COX10: variants seen among roughly 807,000 people sequenced by gnomAD.
COX10 encodes the protein protoheme IX farnesyltransferase, mitochondrial.
COX10 carries 27 observed loss-of-function variants against 37.3 expected under a neutral mutation model. The observed-to-expected ratio is 0.72, with a 90% confidence interval of 0.53 to 1.00. The LOEUF (loss-of-function observed/expected upper bound fraction) is 1.00, where lower values mean the gene tolerates loss of function less well. Among genes scored for constraint, COX10 ranks in the 50% least tolerant of loss-of-function variants. The pLI is 0.00. For missense variants in COX10, 475 were observed against 563.2 expected, an observed-to-expected ratio of 0.84 and a Z score of 1.59; for synonymous variants, 222 against 229.1, an observed-to-expected ratio of 0.97 and a Z score of 0.28.
At chr17:14,181,207 GGGT>G (rs1196716386) in intron 5 of COX10, among the ~76,000 whole-genome samples, 98 of 152,266 alleles carry the variant, frequency 6.4e-4, no homozygotes, top group African/African-American at 2.2e-3. Flanking sequence ...GGGGGCAAGG[GGGT>G]CAATTCTAGG....
At chr17:14,167,134 T>A (rs1326261478) in intron 5 of COX10, among the ~76,000 whole-genome samples, 2 of 152,118 alleles carry the variant, frequency 1.3e-5, no homozygotes, top group African/African-American at 4.8e-5. Flanking sequence ...ATGTATGACC[T>A]TGAGGAGTTT....
intron 6 of COX10, among the ~76,000 whole-genome samples, chr17:14,192,891 A>C (rs1321817862): frequency 6.6e-6 from 1 of 152,074 alleles, no homozygotes; most frequent in South Asian, 2.1e-4. Flanking sequence ...GTTTCCTGCA[A>C]TATATGTAAG....
intron 4 of COX10, among the ~76,000 whole-genome samples, chr17:14,147,478 G>A (rs1209483793): frequency 6.6e-6 from 1 of 152,128 alleles, no homozygotes; most frequent in Non-Finnish European, 1.5e-5. Context: ...ATAGAGAGTA[G>A]AAGGACGGTT....
At chr17:14,199,449 A>C (rs1354945122) in intron 6 of COX10, among the ~76,000 whole-genome samples, 1 of 152,226 alleles carries the variant, frequency 6.6e-6, no homozygotes, top group African/African-American at 2.4e-5. Context: ...AATGGCAAGA[A>C]GAGAAAAAGG....
At chr17:14,089,283 G>A (rs1298532801) in intron 3 of COX10, among the ~76,000 whole-genome samples, 1 of 152,166 alleles carries the variant, frequency 6.6e-6, no homozygotes, top group African/African-American at 2.4e-5. Flanking sequence ...CACCACATAT[G>A]TGTGCTTTAA....
chr17:14,123,590 G>C (rs1206941581), intron 4 of COX10, among the ~76,000 whole-genome samples: 1 of 152,166 alleles, frequency 6.6e-6, no homozygotes, highest in African/African-American at 2.4e-5. Flanking sequence ...AATTAGGAAG[G>C]CAGTTTGTAA....
chr17:14,077,101 T>G, intron 3 of COX10, 45 bp downstream of exon 3: 1 of 1,583,756 alleles, frequency 6.3e-7, no homozygotes, highest in Admixed American at 1.7e-5. Context: ...AACTCTATCT[T>G]TAGTGAAACA....
At chr17:14,206,658 C>A in intron 6 of COX10, 152 bp from the exon 7 acceptor site, 2 of 975,446 alleles carry the variant, frequency 2.1e-6, no homozygotes, top group Non-Finnish European at 3.2e-6. Flanking sequence ...TGTCTCCCAG[C>A]CACCCTGTGA....
chr17:14,130,217 T>C (rs1282009340), intron 4 of COX10, among the ~76,000 whole-genome samples: 1 of 152,184 alleles, frequency 6.6e-6, no homozygotes, highest in African/African-American at 2.4e-5. Context: ...TAGGAAAATA[T>C]TCCTCCCATT....
chr17:14,137,858 T>A (rs1256610836), intron 4 of COX10, among the ~76,000 whole-genome samples: 1 of 152,100 alleles, frequency 6.6e-6, no homozygotes, highest in Admixed American at 6.6e-5. Flanking sequence ...GGTTTTTCTT[T>A]CCATGCAGAT....
At chr17:14,077,110 C>T in intron 3 of COX10, 54 bp downstream of exon 3, 1 of 1,554,642 alleles carries the variant, frequency 6.4e-7, no homozygotes, top group Non-Finnish European at 8.8e-7. Context: ...TTTAGTGAAA[C>T]AAAAAGCTAA....
chr17:14,197,950 G>A (rs949760953), intron 6 of COX10, among the ~76,000 whole-genome samples: 3 of 152,152 alleles, frequency 2.0e-5, no homozygotes, highest in African/African-American at 7.2e-5. Context: ...TCAGAGTTAG[G>A]CCTTTTCCTC....
chr17:14,093,351 G>A (rs1915570180), intron 3 of COX10, among the ~76,000 whole-genome samples: 2 of 152,062 alleles, frequency 1.3e-5, no homozygotes, highest in African/African-American at 4.8e-5. Context: ...AATCTTTACA[G>A]TTATTTTTAG....
chr17:14,086,478 A>G (rs542327115), intron 3 of COX10, among the ~76,000 whole-genome samples: 124 of 152,202 alleles, frequency 8.1e-4, no homozygotes, highest in African/African-American at 2.8e-3. Context: ...TGGGATTTCA[A>G]TGTTTATTCG....
intron 6 of COX10, among the ~76,000 whole-genome samples, chr17:14,200,955 T>TA (rs1028351571): frequency 3.0e-4 from 45 of 152,230 alleles, no homozygotes; most frequent in African/African-American, 9.9e-4. Flanking sequence ...TGCCCTGCAC[T>TA]AAGTAACATT....
rs1006706409 is a variant in COX10 at position 14,208,234 on chromosome 17, G to C, written c.*1021G>C. The C allele has an allele frequency of 6.6e-6, 1 of 152,220 alleles. No individual in the cohort carries two copies. The allele number at this position is 152,220 out of a possible 1,614,324, so 9.4% of individuals were successfully genotyped here. A position where few individuals can be genotyped will look rare whatever the true frequency, so the allele number is the denominator to read the frequency against. Reference sequence around the variant, plus strand: ...CAATGGCTTTAAGAGCCAGAAGCAGGGTTCTGGGAATTTTGCAAGTTATCC... The same window carrying C: ...CAATGGCTTTAAGAGCCAGAAGCAGCGTTCTGGGAATTTTGCAAGTTATCC... On this transcript the variant is annotated 3_prime_UTR_variant, in exon 7 of 7. Coordinates refer to ENST00000261643, the MANE Select transcript of COX10 (RefSeq NM_001303.4).
intron 3 of COX10, 66 bp from the exon 4 acceptor site, chr17:14,102,052 C>G (rs760670874): frequency 1.2e-6 from 2 of 1,601,680 alleles, no homozygotes; most frequent in Non-Finnish European, 1.7e-6. Context: ...TGTTTTTTGT[C>G]GTTCTGGCCT....
At position 14,186,446 on chromosome 17, in the gene COX10, G is replaced by T. The variant is rs1197972969; in HGVS notation, c.696-5543G>T. ...TCCGCCCATCTCCCACCCATCCATC[G>T]GGTCTCAGTTTACACATCACTTCTT... On this transcript the variant is annotated intron_variant, in intron 5 of 6. Coordinates refer to ENST00000261643, the MANE Select transcript of COX10 (RefSeq NM_001303.4). Among the ~76,000 whole-genome samples, 5 of 151,822 alleles carry T rather than the reference G, an allele frequency of 3.3e-5. No individual in the cohort carries two copies. The East Asian group carries it at 9.7e-4, about 29-fold the overall frequency.
chr17:14,159,808 A>G (rs907818017), intron 4 of COX10, 69 bp from the exon 5 acceptor site: 5 of 1,162,238 alleles, frequency 4.3e-6, no homozygotes, highest in Non-Finnish European at 6.3e-6. Flanking sequence ...AAAAATGTTC[A>G]GTACTAAAGC....
Sources: allele counts gnomAD v4.1 joint callset (sites outside exome capture counted in the v4.1 genomes callset), GRCh38; gene constraint gnomAD v4.1.1; transcripts MANE v1.5; gene names NCBI Gene and HGNC (gene_info 2026-07-23, HGNC 2026-07-21).